Variants in INSYN2B observed in about 807,000 individuals in gnomAD.
The protein encoded by INSYN2B is protein INSYN2B.
In INSYN2B, 16 loss-of-function variants were observed where a neutral mutation model predicts 41.2. The observed-to-expected ratio is 0.39, with a 90% CI of 0.26 to 0.59. The LOEUF (loss-of-function observed/expected upper bound fraction) is 0.59. INSYN2B is among the 20% of genes least tolerant of loss of function. The probability of loss-of-function intolerance (pLI) is 0.57; values close to 1 mark genes in which losing one functional copy is unlikely to be tolerated. For synonymous variants in INSYN2B, 245 were observed against 244.4 expected, an observed-to-expected ratio of 1.00 and a Z score of -0.02; for missense variants, 608 against 646.4, an observed-to-expected ratio of 0.94 and a Z score of 0.64.
In INSYN2B at chr5:169,919,852, G is replaced by A. The variant is rs573340292; in HGVS notation, c.-918-35036C>T. Among the ~76,000 whole-genome samples, 75 of 152,300 alleles carry A rather than the reference G, an allele frequency of 4.9e-4. 1 individual carries two copies. In the South Asian group the frequency reaches 0.015, roughly 31 times the overall value. ...AGTTAAATTTGATGATGCTTTAAAG[G>A]TGGAAACTTAGACATTAACCAGCAG... On this transcript the variant is annotated intron_variant, in intron 1 of 3. Coordinates refer to ENST00000377365, the MANE Select transcript of INSYN2B (RefSeq NM_001129891.3).
In INSYN2B at chr5:169,863,349, G is replaced by A. The variant is rs261031; in HGVS notation, c.*924C>T. Among the ~76,000 whole-genome samples the A allele has an allele frequency of 0.2, 31,067 of 152,152 alleles. 4,756 individuals are homozygous for A. The highest frequency in any genetic ancestry group is 0.43 in the African/African-American group (17,973 of 41,474). On this transcript the variant is annotated 3_prime_UTR_variant, in exon 4 of 4. Transcript: ENST00000377365. Reference sequence around the variant, plus strand: ...ATGAAGGGATGAGAAACAGTGTTGTGTTTTATCTTAGCCTTATCTATGTTA... The same window carrying A: ...ATGAAGGGATGAGAAACAGTGTTGTATTTTATCTTAGCCTTATCTATGTTA...
chr5:169,869,342 A>G (rs1387232119), intron 3 of INSYN2B, among the ~76,000 whole-genome samples: 4 of 152,222 alleles, frequency 2.6e-5, no homozygotes, highest in African/African-American at 7.2e-5. Flanking sequence ...GTCTTGAACA[A>G]TTTAAAGGGG....
chr5:169,929,733 C>A (rs1163235867), intron 1 of INSYN2B, among the ~76,000 whole-genome samples: 3 of 141,640 alleles, frequency 2.1e-5, no homozygotes, highest in South Asian at 2.3e-4. Flanking sequence ...CAGAGTGAGA[C>A]CCTGTCTCAA....
At chr5:169,902,732 G>A (rs1773999839) in intron 1 of INSYN2B, among the ~76,000 whole-genome samples, 1 of 152,162 alleles carries the variant, frequency 6.6e-6, no homozygotes, top group South Asian at 2.1e-4. Flanking sequence ...GCAGAAAATG[G>A]GTTGGGTACT....
intron 1 of INSYN2B, among the ~76,000 whole-genome samples, chr5:169,895,513 C>A (rs1244060678): frequency 6.6e-6 from 1 of 152,118 alleles, no homozygotes; most frequent in Non-Finnish European, 1.5e-5. Flanking sequence ...AAGCAGCCAG[C>A]AGCCAGCATT....
rs376368559 is a variant in INSYN2B at position 169,949,000 on chromosome 5, A to G, written c.-919+31277T>C. On this transcript the variant is annotated intron_variant, in intron 1 of 3. Coordinates refer to ENST00000377365, the MANE Select transcript of INSYN2B (RefSeq NM_001129891.3). ...TATATGCATCCAGTTACAAAGGTGC[A>G]ATAGAAGCCTCTGCATGTCCTCCCA... Among the ~76,000 whole-genome samples the G allele has an allele frequency of 1.8e-3, 280 of 152,350 alleles. 6 individuals are homozygous for G. In the South Asian group the frequency reaches 0.048, roughly 26 times the overall value.
chr5:169,916,255 A>G (rs1774870130), intron 1 of INSYN2B, among the ~76,000 whole-genome samples: 1 of 152,202 alleles, frequency 6.6e-6, no homozygotes, highest in Non-Finnish European at 1.5e-5. Context: ...GTGGGACAAA[A>G]TAATTCTAGG....
At chr5:169,874,952 G>A (rs372912154) in intron 3 of INSYN2B, among the ~76,000 whole-genome samples, 4 of 151,926 alleles carry the variant, frequency 2.6e-5, no homozygotes, top group Non-Finnish European at 5.9e-5. Flanking sequence ...TCCTTCCCTC[G>A]CCCTTGCCTC....
At chr5:169,963,828 G>A (rs1197204017) in intron 1 of INSYN2B, among the ~76,000 whole-genome samples, 7 of 152,102 alleles carry the variant, frequency 4.6e-5, no homozygotes, top group African/African-American at 9.7e-5. Flanking sequence ...CAGAGTCCCC[G>A]GGAAGGCTGG....
At chr5:169,895,861 G>C (rs1773567201) in intron 1 of INSYN2B, among the ~76,000 whole-genome samples, 1 of 152,164 alleles carries the variant, frequency 6.6e-6, no homozygotes, top group Non-Finnish European at 1.5e-5. Context: ...GCACATAATA[G>C]ATATAGTAAG....
At chr5:169,865,956 A>G (rs1025782824) in intron 3 of INSYN2B, among the ~76,000 whole-genome samples, 1 of 152,250 alleles carries the variant, frequency 6.6e-6, no homozygotes. Flanking sequence ...GTTGCCATGC[A>G]TGACGAATGG....
At chr5:169,892,682 C>T (rs1326674695) in intron 1 of INSYN2B, among the ~76,000 whole-genome samples, 1 of 152,198 alleles carries the variant, frequency 6.6e-6, no homozygotes, top group Non-Finnish European at 1.5e-5. Flanking sequence ...CCTCTACCTC[C>T]TCTTCATTTT....
At chr5:169,925,184 G>A (rs1433267541) in intron 1 of INSYN2B, among the ~76,000 whole-genome samples, 2 of 152,152 alleles carry the variant, frequency 1.3e-5, no homozygotes, top group Admixed American at 1.3e-4. Flanking sequence ...CTCTGTAGTA[G>A]GGAGCTGAGG....
intron 1 of INSYN2B, among the ~76,000 whole-genome samples, chr5:169,933,113 C>A (rs1471837578): frequency 1.3e-5 from 2 of 152,226 alleles, no homozygotes; most frequent in Non-Finnish European, 2.9e-5. Context: ...ACTCCCGACC[C>A]TCTCACCTGA....
intron 1 of INSYN2B, among the ~76,000 whole-genome samples, chr5:169,942,416 T>A (rs1257631591): frequency 6.6e-6 from 1 of 152,190 alleles, no homozygotes; most frequent in East Asian, 1.9e-4. Flanking sequence ...ACACAATTCA[T>A]TTCTGATTAG....
chr5:169,876,545 G>T (rs1772345759), intron 3 of INSYN2B, among the ~76,000 whole-genome samples: 1 of 152,166 alleles, frequency 6.6e-6, no homozygotes, highest in African/African-American at 2.4e-5. Flanking sequence ...ATGTCTGATG[G>T]CCTGGAAGAA....
intron 1 of INSYN2B, among the ~76,000 whole-genome samples, chr5:169,941,855 A>C (rs1429596243): frequency 6.6e-6 from 1 of 152,154 alleles, no homozygotes; most frequent in Non-Finnish European, 1.5e-5. Context: ...GGGGCTGCCA[A>C]TTTTGGTTTG....
Position 169,882,805 on chromosome 5 carries a change from G to A in INSYN2B, c.1094C>T (p.Ser365Leu). 1 of 1,551,104 alleles carries A rather than the reference G, an allele frequency of 6.4e-7. No individual in the cohort carries two copies. The highest frequency in any genetic ancestry group is 8.7e-7 in the Non-Finnish European group (1 of 1,146,726). ...ACAATTTGGAAACTCCAGTGTGTCTGACTCGGTGGGGTTGTTTGCCGTCTG... is the reference window on the plus strand; with the variant it reads ...ACAATTTGGAAACTCCAGTGTGTCTAACTCGGTGGGGTTGTTTGCCGTCTG... ...QEQTANNPTE[S>L]DTLEFPNCPG... The change falls in exon 2 of 4, where the codon TCA becomes TTA. Residue 365 changes from serine to leucine, a missense_variant. Ser to Leu is a moderately radical substitution (Grantham distance 145, BLOSUM62 -2). Transcript: ENST00000377365.
chr5:169,885,675 TACTA>T (rs1772930426), intron 1 of INSYN2B, among the ~76,000 whole-genome samples: 1 of 152,180 alleles, frequency 6.6e-6, no homozygotes, highest in African/African-American at 2.4e-5. Flanking sequence ...ATTTACTGAG[TACTA>T]ACTAATGTGA....
Sources: gnomAD v4.1 joint callset for allele counts (sites outside exome capture counted in the v4.1 genomes callset) on GRCh38, gnomAD v4.1.1 for gene constraint, MANE v1.5 for transcripts, NCBI Gene and HGNC (gene_info 2026-07-23, HGNC 2026-07-21) for gene names.